ACVR1C: variants seen among roughly 807,000 people sequenced by gnomAD.
The protein encoded by ACVR1C is activin A receptor type 1C.
In ACVR1C, 23 loss-of-function variants were observed where a neutral mutation model predicts 57.9. The ratio of observed to expected loss-of-function variants is 0.40; its 90% CI spans 0.29 to 0.56. The LOEUF is 0.56. ACVR1C is among the 20% of genes least tolerant of loss of function. The pLI is 0.50. For missense variants in ACVR1C, 480 were observed against 607.9 expected, an observed-to-expected ratio of 0.79 and a Z score of 2.21; for synonymous variants, 214 against 215.3, an observed-to-expected ratio of 0.99 and a Z score of 0.05.
Position 157,558,737 on chromosome 2 carries a change from G to A in ACVR1C, c.305-2405C>T, listed in dbSNP as rs529647413. On this transcript the variant is annotated intron_variant, in intron 2 of 8. Transcript: ENST00000243349. The stretch of plus-strand genomic sequence containing the variant: ...AGTGTTCTTAGAATAGGTACTAAAA[G>A]AATTATCTGACTTGACTTTGCTTTA... 2.0e-5 allele frequency among the ~76,000 whole-genome samples: 3 copies of A among 152,306 alleles called. No individual in the cohort carries two copies. The East Asian group carries it at 5.8e-4, about 29-fold the overall frequency.
chr2:157,574,166 A>G (rs1256273767), intron 2 of ACVR1C, among the ~76,000 whole-genome samples: 1 of 152,222 alleles, frequency 6.6e-6, no homozygotes, highest in African/African-American at 2.4e-5. Flanking sequence ...ATTCTGTAAA[A>G]CAGCATACAC....
intron 2 of ACVR1C, among the ~76,000 whole-genome samples, chr2:157,583,371 G>C (rs949501152): frequency 6.6e-5 from 10 of 152,062 alleles, no homozygotes; most frequent in Admixed American, 5.9e-4. Context: ...AAGAGTAACT[G>C]GAGAACTAAA....
intron 1 of ACVR1C, among the ~76,000 whole-genome samples, chr2:157,599,603 T>C (rs999257579): frequency 3.3e-5 from 5 of 152,192 alleles, no homozygotes; most frequent in African/African-American, 1.2e-4. Flanking sequence ...TTATAGGACT[T>C]GGAAGATAGT....
chr2:157,572,859 C>T (rs557733871), intron 2 of ACVR1C, among the ~76,000 whole-genome samples: 1 of 152,196 alleles, frequency 6.6e-6, no homozygotes, highest in South Asian at 2.1e-4. Flanking sequence ...CAGGTGTGCC[C>T]TGTGTCCCCA....
chr2:157,554,038 C>T (rs1259091717), intron 3 of ACVR1C, among the ~76,000 whole-genome samples: 1 of 151,200 alleles, frequency 6.6e-6, no homozygotes, highest in Non-Finnish European at 1.5e-5. Flanking sequence ...CAAAAATTAG[C>T]CAGGTGTAGT....
chr2:157,555,486 C>T (rs186377633), intron 3 of ACVR1C, among the ~76,000 whole-genome samples: 1 of 152,302 alleles, frequency 6.6e-6, no homozygotes, highest in East Asian at 1.9e-4. Flanking sequence ...TGTATGTAAC[C>T]ACAGCCAGCA....
At chr2:157,564,932 AAC>A (rs1188160804) in intron 2 of ACVR1C, among the ~76,000 whole-genome samples, 4 of 152,120 alleles carry the variant, frequency 2.6e-5, no homozygotes, top group Non-Finnish European at 5.9e-5. Context: ...CTGGGAGGGG[AAC>A]ACACACACAC....
intron 1 of ACVR1C, among the ~76,000 whole-genome samples, chr2:157,626,866 T>G (rs1044669095): frequency 6.6e-6 from 1 of 152,230 alleles, no homozygotes; most frequent in Admixed American, 6.5e-5. Context: ...TAAATACATC[T>G]CTACTATATT....
chr2:157,572,378 T>A (rs72925458), intron 2 of ACVR1C, among the ~76,000 whole-genome samples: 1,693 of 130,238 alleles, frequency 0.013, 14 homozygotes, highest in Middle Eastern at 0.033. Flanking sequence ...AAAAAAAAAA[T>A]TAAAAAAAAA....
chr2:157,594,751 G>A (rs752756671), intron 1 of ACVR1C, among the ~76,000 whole-genome samples: 13 of 152,068 alleles, frequency 8.5e-5, no homozygotes, highest in Admixed American at 2.0e-4. Context: ...GACCAAAAGC[G>A]ACTCAAAATA....
intron 2 of ACVR1C, among the ~76,000 whole-genome samples, chr2:157,562,056 G>C (rs1342169169): frequency 1.3e-5 from 2 of 152,096 alleles, no homozygotes; most frequent in Admixed American, 1.3e-4. Context: ...TGGCACTTTG[G>C]GAGGCCGAGG....
chr2:157,530,239 A>T lies in ACVR1C; in HGVS notation c.*3679T>A, dbSNP rs1209626251. The T allele has an allele frequency of 6.6e-6, 1 of 152,162 alleles. No homozygotes were observed. The highest frequency in any genetic ancestry group is 1.5e-5 in the Non-Finnish European group (1 of 67,998). The allele number at this position is 152,162 out of a possible 1,614,324, so 9.4% of individuals were successfully genotyped here. A position where few individuals can be genotyped will look rare whatever the true frequency, so the allele number is the denominator to read the frequency against. ...TTTCTTAATTTTCCAGTGGGAAATA[A>T]AATTTGTATATTTTAAATACATTTA... On this transcript the variant is annotated 3_prime_UTR_variant, in exon 9 of 9. Coordinates refer to ENST00000243349, the MANE Select transcript of ACVR1C (RefSeq NM_145259.3).
rs1167197064 is a variant in ACVR1C at position 157,628,803 on chromosome 2, C to G, written c.-159G>C. On this transcript the variant is annotated 5_prime_UTR_variant, in exon 1 of 9. Transcript: ENST00000243349. ...TGGCTCTAGTCAGTGTGGGCGCCCC[C>G]CTCCCCGGCCGCCCCCATCCCACGC... The G allele has an allele frequency of 1.3e-5, 6 of 475,476 alleles. No individual in the cohort carries two copies. The highest frequency in any genetic ancestry group is 8.9e-5 in the Admixed American group (2 of 22,360). The allele number at this position is 475,476 out of a possible 1,614,324, so 29.5% of individuals were successfully genotyped here. A position where few individuals can be genotyped will look rare whatever the true frequency, so the allele number is the denominator to read the frequency against.
chr2:157,581,578 A>G (rs1688792428), intron 2 of ACVR1C, among the ~76,000 whole-genome samples: 1 of 152,160 alleles, frequency 6.6e-6, no homozygotes, highest in Admixed American at 6.5e-5. Flanking sequence ...AACAAATAGG[A>G]TCTAAGTACA....
chr2:157,596,002 A>C (rs1682099193), intron 1 of ACVR1C, among the ~76,000 whole-genome samples: 1 of 152,240 alleles, frequency 6.6e-6, no homozygotes, highest in East Asian at 1.9e-4. Flanking sequence ...AAACTTCATG[A>C]GGGCAGGGCC....
At position 157,556,305 on chromosome 2, in the gene ACVR1C, G is replaced by C; in HGVS notation, c.332C>G (p.Pro111Arg). The C allele has an allele frequency of 1.2e-6, 2 of 1,614,032 alleles. No individual in the cohort carries two copies. The highest frequency in any genetic ancestry group is 1.3e-5 in the African/African-American group (1 of 75,024). ...AGTAATAATGATGGCCAGCTCCATG[G>C]GTCCAAGTTTTGGGGCATTTGGTGA... Reference protein sequence around the residue: ...TASPNAPKLGPMELAIIITVP... With the variant: ...TASPNAPKLGRMELAIIITVP... The change falls in exon 3 of 9, where the codon CCC becomes CGC. Residue 111 changes from proline to arginine, a missense_variant. Transcript: ENST00000243349.
Position 157,606,167 on chromosome 2 carries a change from G to GTA in ACVR1C, c.74-18752_74-18751dup, listed in dbSNP as rs574339813. 4.2e-3 allele frequency among the ~76,000 whole-genome samples: 636 copies of GTA among 151,584 alleles called. 7 individuals are homozygous for GTA. The highest frequency in any genetic ancestry group is 0.014 in the African/African-American group (596 of 41,444). On this transcript the variant is annotated intron_variant, in intron 1 of 8. Coordinates refer to ENST00000243349, the MANE Select transcript of ACVR1C (RefSeq NM_145259.3). ...TTATGGCTGAACAATATTCCATCAT[G>GTA]TATATATATATCACATTTTCTTTAT... is the stretch of plus-strand genomic sequence containing the variant.
At chr2:157,571,365 G>A (rs1256547802) in intron 2 of ACVR1C, among the ~76,000 whole-genome samples, 166 of 10,616 alleles carry the variant, frequency 0.016, 8 homozygotes, top group African/African-American at 0.075. Context: ...ATTGACAAAT[G>A]GGATCTAATT....
At chr2:157,566,577 T>A (rs1469150006) in intron 2 of ACVR1C, among the ~76,000 whole-genome samples, 1 of 151,970 alleles carries the variant, frequency 6.6e-6, no homozygotes, top group Non-Finnish European at 1.5e-5. Flanking sequence ...GAGTTCCCTT[T>A]CTGAGTCAAA....
Sources: gnomAD v4.1 joint callset for allele counts (sites outside exome capture counted in the v4.1 genomes callset) on GRCh38, gnomAD v4.1.1 for gene constraint, MANE v1.5 for transcripts, NCBI Gene and HGNC (gene_info 2026-07-23, HGNC 2026-07-21) for gene names.